Variants in UQCRC1 observed in about 807,000 individuals in gnomAD.
The protein encoded by UQCRC1 is cytochrome b-c1 complex subunit 1, mitochondrial.
Under a neutral mutation model 58.0 loss-of-function variants are expected in UQCRC1, and 34 were observed. That is an observed-to-expected ratio of 0.59 (90% CI 0.45 to 0.78). The LOEUF is 0.78. Ranked by LOEUF, UQCRC1 falls within the 30% of genes least tolerant of loss-of-function variation. UQCRC1 has a pLI of 0.00. For synonymous variants in UQCRC1, 276 were observed against 248.8 expected, an observed-to-expected ratio of 1.11 and a Z score of -1.03; for missense variants, 610 against 646.0, an observed-to-expected ratio of 0.94 and a Z score of 0.60.
At chr3:48,604,809 A>C in intron 3 of UQCRC1, 29 bp from the exon 4 acceptor site, 1 of 1,613,056 alleles carries the variant, frequency 6.2e-7, no homozygotes, top group Non-Finnish European at 8.5e-7. Context: ...CAGAACAATC[A>C]GGAGCTACAC....
chr3:48,607,293 G>A (rs542534760), intron 2 of UQCRC1, among the ~76,000 whole-genome samples: 243 of 152,160 alleles, frequency 1.6e-3, no homozygotes, highest in Non-Finnish European at 2.2e-3. Context: ...CGCCCGCCTC[G>A]GCCTCCCAAA....
chr3:48,609,062 C>T, intron 2 of UQCRC1, 100 bp downstream of exon 2: 1 of 1,504,458 alleles, frequency 6.6e-7, no homozygotes, highest in South Asian at 1.3e-5. Context: ...CGAACCCAAA[C>T]CACAAACGGG....
intron 5 of UQCRC1, chr3:48,604,008 A>G: frequency 1.7e-6 from 1 of 604,884 alleles, no homozygotes; most frequent in Non-Finnish European, 2.9e-6. Context: ...TTGGACTGTC[A>G]GGACATGCAC....
rs368060850 is a variant in UQCRC1, at chr3:48,603,618, C to T, written c.652G>A (p.Glu218Lys). 8.7e-6 allele frequency: 14 copies of T among 1,613,972 alleles called. No individual in the cohort carries two copies. The highest frequency in any genetic ancestry group is 6.7e-5 in the Admixed American group (4 of 59,998). Residue 218 changes from glutamate (E) to lysine (K), a missense_variant, in exon 6 of 13, where the codon GAG becomes AAG. Physicochemically the swap from Glu to Lys is moderately conservative, Grantham distance 56. Transcript: ENST00000203407. ...VRKLSRADLTEYLSTHYKAPR... is the reference protein window; with the variant it reads ...VRKLSRADLTKYLSTHYKAPR... ...GCCTTGTAATGTGTGCTGAGGTACT[C>T]GGTCAAGTCTGCACGAGACAGCTTC...
intron 7 of UQCRC1, 58 bp downstream of exon 7, chr3:48,601,294 T>A: frequency 6.3e-7 from 1 of 1,592,408 alleles, no homozygotes; most frequent in Non-Finnish European, 8.6e-7. Flanking sequence ...ACCATGCACA[T>A]GGGGGTCCTC....
rs756010041 is a variant in UQCRC1 at position 48,601,132 on chromosome 3, T to C, written c.823-14A>G. On this transcript the variant is annotated splice_polypyrimidine_tract_variant and intron_variant, in intron 7 of 12. Coordinates refer to ENST00000203407, the MANE Select transcript of UQCRC1 (RefSeq NM_003365.3). ...ACGGTGGCGGATCTGAAACAGTACA[T>C]GACAAGGCTGAGGAACAGCCAGACT... The C allele has an allele frequency of 3.8e-6, 6 of 1,590,326 alleles. No individual in the cohort carries two copies. The African/African-American group carries it at 5.4e-5, about 14-fold the overall frequency.
intron 1 of UQCRC1, 81 bp from the exon 2 acceptor site, chr3:48,609,383 A>T (rs907676405): frequency 1.3e-6 from 2 of 1,531,856 alleles, no homozygotes; most frequent in Admixed American, 1.9e-5. Context: ...GGACCCCCGA[A>T]CCCCGCCCCT....
At chr3:48,609,449 GA>G in intron 1 of UQCRC1, 102 bp downstream of exon 1, 1 of 1,520,480 alleles carries the variant, frequency 6.6e-7, no homozygotes, top group Non-Finnish European at 8.8e-7. Flanking sequence ...CCACGGCCCT[GA>G]CCCCGCGTCC....
At chr3:48,602,802 C>A (rs1337922048) in intron 6 of UQCRC1, among the ~76,000 whole-genome samples, 1 of 152,128 alleles carries the variant, frequency 6.6e-6, no homozygotes, top group Non-Finnish European at 1.5e-5. Context: ...GGATTACAGG[C>A]GTGAGCCACC....
At position 48,609,254 on chromosome 3, in the gene UQCRC1, G is replaced by C. The variant is rs759346286; in HGVS notation, c.118C>G (p.Gln40Glu). 2.5e-6 allele frequency: 4 copies of C among 1,612,572 alleles called. No homozygotes were observed. Among genetic ancestry groups the C allele is most frequent in the Non-Finnish European group, 3.4e-6 (4 of 1,179,644 alleles). The change falls in exon 2 of 13, where the codon CAG becomes GAG. Residue 40 changes from glutamine to glutamate, a missense_variant. Coordinates refer to ENST00000203407, the MANE Select transcript of UQCRC1 (RefSeq NM_003365.3). ...GTCTCCGGCACGAACTGGAGCGCCT[G>C]AGCGAAGGTTGCCGTACTCCGCAAG... The part of the protein sequence containing the change: ...PALRSTATFA[Q>E]ALQFVPETQV...
Position 48,599,624 on chromosome 3 carries a change from A to G in UQCRC1, c.1378+11T>C, listed in dbSNP as rs1575511391. 1 of 1,613,732 alleles carries G rather than the reference A, an allele frequency of 6.2e-7. No individual in the cohort carries two copies. Among genetic ancestry groups the G allele is most frequent in the African/African-American group, 1.3e-5 (1 of 75,024 alleles). On this transcript the variant is annotated intron_variant, in intron 12 of 12. Transcript: ENST00000203407. ...GAAATAAACAAAGAGCAGACCCCCT[A>G]GGCCACTTACCATATCCAGCCACTG...
In UQCRC1 at chr3:48,600,667, G is replaced by A; in HGVS notation, c.1127+13C>T. The A allele has an allele frequency of 1.9e-6, 3 of 1,614,136 alleles. No individual in the cohort carries two copies. The highest frequency in any genetic ancestry group is 2.5e-6 in the Non-Finnish European group (3 of 1,180,024). On this transcript the variant is annotated intron_variant, in intron 9 of 12. Transcript: ENST00000203407. ...GCCGCCATCCCACCTAGGAATACCA[G>A]GCTGCCACTTACCACTGCCCTTGCA...
In UQCRC1 at chr3:48,603,604, T is replaced by G. The variant is rs549512516; in HGVS notation, c.666A>C (p.Thr222=). 6.2e-7 allele frequency: 1 copy of G among 1,614,052 alleles called. No homozygotes were observed. The highest frequency in any genetic ancestry group is 8.5e-7 in the Non-Finnish European group (1 of 1,179,988). Residue 222 remains threonine (T), a synonymous_variant, in exon 6 of 13, where the codon ACA becomes ACC. Transcript: ENST00000203407. ...SRADLTEYLS[T]HYKAPRMVLA... ...GCACCATTCGAGGGGCCTTGTAATG[T>G]GTGCTGAGGTACTCGGTCAAGTCTG...
At chr3:48,608,846 G>A (rs1176597299) in intron 2 of UQCRC1, among the ~76,000 whole-genome samples, 1 of 152,214 alleles carries the variant, frequency 6.6e-6, no homozygotes, top group East Asian at 1.9e-4. Flanking sequence ...TAAGGTGTCT[G>A]AATCCCATTT....
Position 48,604,225 on chromosome 3 carries a change from A to G in UQCRC1, c.626+8T>C, listed in dbSNP as rs1220655593. The G allele has an allele frequency of 6.2e-7, 1 of 1,611,856 alleles. No homozygotes were observed. Among genetic ancestry groups the G allele is most frequent in the South Asian group, 1.1e-5 (1 of 90,986 alleles). ...AAGCATCCCCCCACAAGGCCAGCCA[A>G]CTCTCACCTGACATTCTCACTGGGC... On this transcript the variant is annotated splice_region_variant and intron_variant, in intron 5 of 12. Coordinates refer to ENST00000203407, the MANE Select transcript of UQCRC1 (RefSeq NM_003365.3).
intron 6 of UQCRC1, among the ~76,000 whole-genome samples, chr3:48,601,858 C>T (rs748925683): frequency 6.6e-6 from 1 of 152,174 alleles, no homozygotes; most frequent in Non-Finnish European, 1.5e-5. Flanking sequence ...GTATTTCTGG[C>T]TGCTGGCCCT....
chr3:48,600,732 C>A lies in UQCRC1; in HGVS notation c.1075G>T (p.Val359Phe). 6.2e-7 allele frequency: 1 copy of A among 1,614,178 alleles called. No homozygotes were observed. The highest frequency in any genetic ancestry group is 1.6e-4 in the Middle Eastern group (1 of 6,062). The change falls in exon 9 of 13, where the codon GTC (valine) becomes TTC (phenylalanine). Residue 359 changes from valine (V) to phenylalanine (F), a missense_variant. By Grantham distance (50) the Val-to-Phe change is conservative. Coordinates refer to ENST00000203407, the MANE Select transcript of UQCRC1 (RefSeq NM_003365.3). ...AETGLLGAHF[V>F]CDRMKIDDMM... ...TCATCGATTTTCATTCGGTCACAGA[C>A]AAAGTGTGCACCCAGCAAGCCCGTC... is the stretch of plus-strand genomic sequence containing the variant.
At position 48,600,146 on chromosome 3, in the gene UQCRC1, T is replaced by C. The variant is rs1216859650; in HGVS notation, c.1219A>G (p.Thr407Ala). 2.5e-6 allele frequency: 4 copies of C among 1,613,656 alleles called. No homozygotes were observed. The highest frequency in any genetic ancestry group is 3.4e-6 in the Non-Finnish European group (4 of 1,179,912). The stretch of plus-strand genomic sequence containing the variant: ...CGTCCGATGTCCTCACACACAGGAG[T>C]AGTGCCTTTAAGGGTGAGAGAAGGC... ...NALVSHLDGT[T>A]PVCEDIGRSL... Residue 407 changes from threonine to alanine, a missense_variant, in exon 11 of 13, where the codon ACT (threonine) becomes GCT (alanine). Transcript: ENST00000203407.
At chr3:48,603,849 A>G (rs2046387998) in intron 5 of UQCRC1, 1 of 599,750 alleles carries the variant, frequency 1.7e-6, no homozygotes, top group African/African-American at 1.9e-5. Context: ...CCCTTGCCTC[A>G]TGCCTGACTT....
Sources: allele counts gnomAD v4.1 joint callset (sites outside exome capture counted in the v4.1 genomes callset), GRCh38; gene constraint gnomAD v4.1.1; transcripts MANE v1.5; gene names NCBI Gene and HGNC (gene_info 2026-07-23, HGNC 2026-07-21).